Variants in KIAA0586 observed in about 807,000 individuals in gnomAD.
KIAA0586 encodes protein TALPID3.
Under a neutral mutation model 169.8 loss-of-function variants are expected in KIAA0586, and 144 were observed. The ratio of observed to expected loss-of-function variants is 0.85; its 90% CI spans 0.74 to 0.97. The LOEUF (loss-of-function observed/expected upper bound fraction) is 0.97. KIAA0586 is among the 50% of genes least tolerant of loss of function. The pLI is 0.00. For synonymous variants in KIAA0586, 625 were observed against 612.4 expected, an observed-to-expected ratio of 1.02 and a Z score of -0.30; for missense variants, 1,854 against 1,823.0, an observed-to-expected ratio of 1.02 and a Z score of -0.31.
In KIAA0586 at chr14:58,429,420, T is replaced by C. The variant is rs74055693; in HGVS notation, c.257T>C (p.Met86Thr). ...NCYQPLLENP[M>T]VSESDFSKDV... is the part of the protein sequence containing the mutation. ...TACCAGCCTCTATTAGAAAATCCCA[T>C]GGTGTCAGAAAGTGTAAGCAAAAGG... is the stretch of plus-strand genomic sequence containing the variant. The change falls in exon 2 of 31, where the codon ATG (methionine) becomes ACG (threonine). Residue 86 changes from methionine (M) to threonine (T), a missense_variant. Coordinates refer to ENST00000652326, the MANE Select transcript of KIAA0586 (RefSeq NM_001329943.3). The C allele has an allele frequency of 1.2e-3, 1,835 of 1,589,204 alleles. 17 individuals are homozygous for C. In the African/African-American group the frequency reaches 0.023, roughly 20 times the overall value.
intron 6 of KIAA0586, among the ~76,000 whole-genome samples, chr14:58,445,531 T>G (rs2038807616): frequency 6.6e-6 from 1 of 151,658 alleles, no homozygotes; most frequent in Non-Finnish European, 1.5e-5. Flanking sequence ...CCTCCCAGAT[T>G]CAAGTGATTT....
At position 58,428,544 on chromosome 14, in the gene KIAA0586, A is replaced by C. The variant is rs2037058969; in HGVS notation, c.199+81A>C. ...TTATTTGTTTAAATTCCCAAACGTA[A>C]GATATAAGTCTAGTTTGTACAGATG... On this transcript the variant is annotated intron_variant, in intron 1 of 30. Coordinates refer to ENST00000652326, the MANE Select transcript of KIAA0586 (RefSeq NM_001329943.3). 29 of 1,051,512 alleles carry C rather than the reference A, an allele frequency of 2.8e-5. No individual in the cohort carries two copies. In the South Asian group the frequency reaches 4.3e-4, roughly 16 times the overall value. 65.1% of individuals were successfully genotyped at this position (1,051,512 alleles called of 1,614,324 possible). A position where few individuals can be genotyped will look rare whatever the true frequency, so the allele number is the denominator to read the frequency against.
intron 7 of KIAA0586, 57 bp from the exon 8 acceptor site, chr14:58,450,522 A>C (rs1011622487): frequency 2.0e-6 from 2 of 1,012,316 alleles, no homozygotes; most frequent in South Asian, 1.4e-5. Context: ...GTAATATGCT[A>C]TAATTTTTAA....
At chr14:58,528,055 C>T (rs2045710719) in intron 29 of KIAA0586, among the ~76,000 whole-genome samples, 1 of 152,104 alleles carries the variant, frequency 6.6e-6, no homozygotes, top group Non-Finnish European at 1.5e-5. Flanking sequence ...GGGATGCAAT[C>T]CTAGTCTCTG....
chr14:58,528,870 G>A (rs1383581224), intron 29 of KIAA0586, among the ~76,000 whole-genome samples: 5 of 152,102 alleles, frequency 3.3e-5, no homozygotes, highest in African/African-American at 1.2e-4. Context: ...AGAACTGAAG[G>A]AGATAGAGAC....
rs370303493 is a variant in KIAA0586 at position 58,540,113 on chromosome 14, C to A, written c.4472C>A (p.Pro1491Gln). The A allele has an allele frequency of 1.9e-6, 3 of 1,559,024 alleles. No homozygotes were observed. The highest frequency in any genetic ancestry group is 2.6e-6 in the Non-Finnish European group (3 of 1,147,664). ...GATCGGACACAAATTGAGCTTAATC[C>A]GTACCTCACATGTGTATTTTCAGGT... ...DMDRTQIELNPYLTCVFSGGK... is the reference protein window; with the variant it reads ...DMDRTQIELNQYLTCVFSGGK... Residue 1491 changes from proline (P) to glutamine (Q), a missense_variant, in exon 30 of 31, where the codon CCG becomes CAG. By Grantham distance (76) the Pro-to-Gln change is moderately conservative. Transcript: ENST00000652326.
intron 13 of KIAA0586, 43 bp from the exon 14 acceptor site, chr14:58,460,943 G>C (rs769852235): frequency 7.1e-7 from 1 of 1,408,160 alleles, no homozygotes; most frequent in Admixed American, 2.6e-5. Flanking sequence ...ATAAGTGTTT[G>C]ATGACTGTTT....
chr14:58,441,051 T>A (rs954776908), intron 4 of KIAA0586: 9 of 190,242 alleles, frequency 4.7e-5, no homozygotes, highest in African/African-American at 2.1e-4. Context: ...ATAGCTTGAC[T>A]ATAATCGTTT....
intron 15 of KIAA0586, among the ~76,000 whole-genome samples, chr14:58,466,405 T>G (rs368908141): frequency 1.4e-3 from 209 of 152,294 alleles, no homozygotes; most frequent in African/African-American, 4.9e-3. Flanking sequence ...AAAAATTCTT[T>G]TGGTATGTTA....
intron 26 of KIAA0586, among the ~76,000 whole-genome samples, chr14:58,494,874 G>T (rs941010035): frequency 6.6e-6 from 1 of 152,112 alleles, no homozygotes; most frequent in African/African-American, 2.4e-5. Flanking sequence ...AGCTGGGGTT[G>T]TTAATAAGAA....
chr14:58,467,851 G>C lies in KIAA0586; in HGVS notation c.2371G>C (p.Val791Leu). 1 of 1,613,680 alleles carries C rather than the reference G, an allele frequency of 6.2e-7. No homozygotes were observed. The highest frequency in any genetic ancestry group is 8.5e-7 in the Non-Finnish European group (1 of 1,179,730). The change falls in exon 16 of 31, where the codon GTA becomes CTA. Residue 791 changes from valine (V) to leucine (L), a missense_variant. By Grantham distance (32) the Val-to-Leu change is conservative. Coordinates refer to ENST00000652326, the MANE Select transcript of KIAA0586 (RefSeq NM_001329943.3). ...ATCATCTCGAAAAGTAGAAACTGGA[G>C]TAAAGAAACCTAACATAGCCATTGT... Reference protein sequence around the residue: ...PPSSRKVETGVKKPNIAIVEM... With the variant: ...PPSSRKVETGLKKPNIAIVEM...
chr14:58,522,592 C>G (rs1435620510), intron 29 of KIAA0586, among the ~76,000 whole-genome samples: 1 of 152,032 alleles, frequency 6.6e-6, no homozygotes, highest in Non-Finnish European at 1.5e-5. Flanking sequence ...TGTGAACAGC[C>G]TGATGTTTGG....
intron 29 of KIAA0586, among the ~76,000 whole-genome samples, chr14:58,535,404 A>G (rs1015610453): frequency 6.6e-6 from 1 of 152,242 alleles, no homozygotes; most frequent in Admixed American, 6.5e-5. Context: ...AATACAGTCA[A>G]GTACTTAAAT....
At chr14:58,451,113 G>A (rs573345802) in intron 8 of KIAA0586, among the ~76,000 whole-genome samples, 18 of 151,132 alleles carry the variant, frequency 1.2e-4, no homozygotes, top group Admixed American at 1.1e-3. Context: ...CTCAGCCTCC[G>A]GATTAGCTGG....
intron 29 of KIAA0586, among the ~76,000 whole-genome samples, chr14:58,519,803 A>G (rs904466260): frequency 1.3e-5 from 2 of 152,232 alleles, no homozygotes; most frequent in East Asian, 3.8e-4. Flanking sequence ...TGATGATTAC[A>G]TCATTTGCTA....
At chr14:58,490,276 A>G (rs374005890) in intron 25 of KIAA0586, 36 bp downstream of exon 25, 6 of 1,205,214 alleles carry the variant, frequency 5.0e-6, no homozygotes, top group Middle Eastern at 3.8e-4. Context: ...GAATTCTGAC[A>G]GGAAGAATAT....
intron 21 of KIAA0586, among the ~76,000 whole-genome samples, chr14:58,483,966 G>C (rs2042204935): frequency 6.6e-6 from 1 of 152,136 alleles, no homozygotes; most frequent in Non-Finnish European, 1.5e-5. Flanking sequence ...AGCTCATTGG[G>C]AATATATGCA....
chr14:58,439,816 G>T, intron 4 of KIAA0586: 1 of 984,082 alleles, frequency 1.0e-6, no homozygotes, highest in Non-Finnish European at 1.2e-6. Context: ...CTTAAAAGTC[G>T]ACGGGGAAGT....
At chr14:58,528,549 C>T (rs186248258) in intron 29 of KIAA0586, among the ~76,000 whole-genome samples, 1 of 152,342 alleles carries the variant, frequency 6.6e-6, no homozygotes, top group East Asian at 1.9e-4. Flanking sequence ...GATTAACAAA[C>T]TCACTCAAAA....
Sources: allele counts gnomAD v4.1 joint callset (sites outside exome capture counted in the v4.1 genomes callset), GRCh38; gene constraint gnomAD v4.1.1; transcripts MANE v1.5; gene names NCBI Gene and HGNC (gene_info 2026-07-23, HGNC 2026-07-21).